Variants in GALNT11 observed in about 807,000 individuals in gnomAD.
The protein encoded by GALNT11 is polypeptide N-acetylgalactosaminyltransferase 11.
In GALNT11, 47 loss-of-function variants were observed where a neutral mutation model predicts 72.7. That is an observed-to-expected ratio of 0.65 (90% confidence interval 0.51 to 0.82). GALNT11 has a LOEUF of 0.82. Among genes scored for constraint, GALNT11 ranks in the 40% least tolerant of loss-of-function variants. The pLI, the probability that GALNT11 is intolerant of heterozygous loss-of-function variation, is 0.00. For synonymous variants in GALNT11, 270 were observed against 286.6 expected (o/e 0.94, Z 0.58); for missense variants, 677 against 778.4 (o/e 0.87, Z 1.55).
rs112236491 is a variant in GALNT11, at chr7:152,107,913, G to A, written c.713-125G>A. The A allele has an allele frequency of 1.1e-4, 122 of 1,158,398 alleles. No homozygotes were observed. In the African/African-American group the frequency reaches 1.5e-3, roughly 14 times the overall value. The allele number at this position is 1,158,398 out of a possible 1,614,324, so 71.8% of individuals were successfully genotyped here. Reference sequence around the variant, plus strand: ...TGAAGTGTAGTGGAGCAGTTAGGCCGTCTGGGGCTGGGAGGGTGGCAGTCG... The same window carrying A: ...TGAAGTGTAGTGGAGCAGTTAGGCCATCTGGGGCTGGGAGGGTGGCAGTCG... On this transcript the variant is annotated intron_variant, in intron 5 of 11. Transcript: ENST00000430044.
At chr7:152,060,106 A>G (rs1259306860) in intron 1 of GALNT11, among the ~76,000 whole-genome samples, 1 of 152,038 alleles carries the variant, frequency 6.6e-6, no homozygotes, top group Admixed American at 6.6e-5. Context: ...TTACACTTTT[A>G]TGTTGTGGAG....
rs2081970023 is a variant in GALNT11, at chr7:152,025,675, C to T, written c.-248C>T. ...GCGCCGGCGGACGCGCGGCGCTGGG[C>T]GGAGGCAGCGGCTCGGGGACTGGGC... On this transcript the variant is annotated 5_prime_UTR_variant, in exon 1 of 12. Transcript: ENST00000430044. 6.7e-6 allele frequency: 1 copy of T among 150,342 alleles called. No homozygotes were observed. The highest frequency in any genetic ancestry group is 1.5e-5 in the Non-Finnish European group (1 of 67,554). 9.3% of individuals were successfully genotyped at this position (150,342 alleles called of 1,614,324 possible). A position where few individuals can be genotyped will look rare whatever the true frequency, so the allele number is the denominator to read the frequency against.
intron 1 of GALNT11, among the ~76,000 whole-genome samples, chr7:152,065,072 C>T (rs1241572018): frequency 2.0e-5 from 3 of 152,180 alleles, no homozygotes; most frequent in Admixed American, 6.5e-5. Context: ...CCATTCTCCC[C>T]GTCACTTTCA....
chr7:152,111,068 G>A (rs111262503), intron 7 of GALNT11, among the ~76,000 whole-genome samples: 74 of 152,196 alleles, frequency 4.9e-4, no homozygotes, highest in Non-Finnish European at 4.9e-4. Flanking sequence ...ATATCTGTTC[G>A]AAATGTCAAG....
At chr7:152,052,490 C>T (rs2083451573) in intron 1 of GALNT11, among the ~76,000 whole-genome samples, 1 of 152,154 alleles carries the variant, frequency 6.6e-6, no homozygotes. Flanking sequence ...GAGGAACTGA[C>T]AAACTCTTCT....
Position 152,117,161 on chromosome 7 carries a change from A to G in GALNT11, c.1238A>G (p.Gln413Arg). 1 of 1,582,804 alleles carries G rather than the reference A, an allele frequency of 6.3e-7. No homozygotes were observed. The highest frequency in any genetic ancestry group is 8.6e-7 in the Non-Finnish European group (1 of 1,169,214). The change falls in exon 9 of 12, where the codon CAG becomes CGG. Residue 413 changes from glutamine (Q) to arginine (R), a missense_variant. Gln to Arg is a conservative substitution (Grantham distance 43). Coordinates refer to ENST00000430044, the MANE Select transcript of GALNT11 (RefSeq NM_022087.4). ...TTTTACTTTTTTTAAATTCAGGAGC[A>G]GTATTTTTCCTTAAGACCTGACCTG... ...AHVWLDEYKE[Q>R]YFSLRPDLKT...
At chr7:152,027,637 T>C (rs2151972885) in intron 1 of GALNT11, 1 of 153,056 alleles carries the variant, frequency 6.5e-6, no homozygotes, top group Middle Eastern at 3.4e-3. Flanking sequence ...ACGTGGCTGC[T>C]GCGTAAATGT....
intron 1 of GALNT11, among the ~76,000 whole-genome samples, chr7:152,033,133 G>A (rs927178014): frequency 1.3e-5 from 2 of 152,228 alleles, no homozygotes; most frequent in Non-Finnish European, 2.9e-5. Flanking sequence ...TGGATCATCT[G>A]GTTGGGGGCT....
intron 1 of GALNT11, among the ~76,000 whole-genome samples, chr7:152,066,024 G>A (rs980658044): frequency 1.3e-4 from 20 of 152,202 alleles, no homozygotes; most frequent in Non-Finnish European, 2.5e-4. Context: ...GTTTGGCTAC[G>A]CCCTGCCCCC....
At chr7:152,056,395 C>T (rs1040403352) in intron 1 of GALNT11, among the ~76,000 whole-genome samples, 1 of 152,142 alleles carries the variant, frequency 6.6e-6, no homozygotes, top group Non-Finnish European at 1.5e-5. Context: ...CGCGGGTTGC[C>T]ACGTTTTCCC....
At position 152,108,130 on chromosome 7, in the gene GALNT11, G is replaced by C. The variant is rs143761621; in HGVS notation, c.805G>C (p.Val269Leu). ...CGCCATCCGTGAGGACCGGCACACC[G>C]TGGTGTGCCCAGTGATTGACATCAT... Reference protein sequence around the residue: ...LAAIREDRHTVVCPVIDIISA... With the variant: ...LAAIREDRHTLVCPVIDIISA... Residue 269 changes from valine to leucine, a missense_variant, in exon 6 of 12, where the codon GTG (valine) becomes CTG (leucine). Val to Leu is a conservative substitution (Grantham distance 32). Transcript: ENST00000430044. The C allele has an allele frequency of 6.2e-7, 1 of 1,614,090 alleles. No homozygotes were observed. The highest frequency in any genetic ancestry group is 8.5e-7 in the Non-Finnish European group (1 of 1,180,000).
Position 152,103,261 on chromosome 7 carries a change from A to G in GALNT11, c.569A>G (p.Asp190Gly). 1.2e-6 allele frequency: 2 copies of G among 1,612,682 alleles called. No individual in the cohort carries two copies. Among genetic ancestry groups the G allele is most frequent in the South Asian group, 2.2e-5 (2 of 91,034 alleles). ...AHLLHEIILV[D>G]DDSDFDDLKG... ...CTGCTTCATGAGATCATCCTTGTGG[A>G]TGATGATAGTGACTTTGGTAAGGAA... The change falls in exon 4 of 12, where the codon GAT (aspartate) becomes GGT (glycine). Residue 190 changes from aspartate to glycine, a missense_variant. By Grantham distance (94) the Asp-to-Gly change is moderately conservative (BLOSUM62 -1). Transcript: ENST00000430044.
At chr7:152,048,754 A>C (rs1174733835) in intron 1 of GALNT11, among the ~76,000 whole-genome samples, 1 of 151,576 alleles carries the variant, frequency 6.6e-6, no homozygotes, top group Non-Finnish European at 1.5e-5. Flanking sequence ...AAGGGGCAAC[A>C]ACTTTTAAGT....
intron 10 of GALNT11, chr7:152,120,560 A>G: frequency 2.8e-6 from 1 of 361,774 alleles, no homozygotes; most frequent in Non-Finnish European, 5.1e-6. Context: ...TAATTGTTAA[A>G]CCCTAAAATT....
chr7:152,068,074 C>T (rs2084417484), intron 1 of GALNT11, among the ~76,000 whole-genome samples: 1 of 152,126 alleles, frequency 6.6e-6, no homozygotes, highest in Non-Finnish European at 1.5e-5. Context: ...AAGCATCTCC[C>T]ACCAGGCCCC....
At chr7:152,071,153 G>C (rs560198101) in intron 1 of GALNT11, among the ~76,000 whole-genome samples, 283 of 152,350 alleles carry the variant, frequency 1.9e-3, no homozygotes, top group Middle Eastern at 6.8e-3. Flanking sequence ...CAGGAGACAG[G>C]GTTTTAAGAT....
chr7:152,117,857 C>CA (rs1461822797), intron 9 of GALNT11: 1 of 160,060 alleles, frequency 6.2e-6, no homozygotes, highest in African/African-American at 2.4e-5. Flanking sequence ...TGATCAACCA[C>CA]ATTTCCTTAG....
intron 1 of GALNT11, among the ~76,000 whole-genome samples, chr7:152,071,146 G>C (rs763226289): frequency 1.3e-5 from 2 of 152,234 alleles, no homozygotes; most frequent in Non-Finnish European, 2.9e-5. Flanking sequence ...ATCTTACCAG[G>C]AGACAGGGTT....
chr7:152,099,342 T>TTTTTTTTA (rs1554429059), intron 2 of GALNT11, among the ~76,000 whole-genome samples: 1 of 143,578 alleles, frequency 7.0e-6, no homozygotes, highest in Non-Finnish European at 1.5e-5. Context: ...AAAAATGGAC[T>TTTTTTTTA]TTTATTTATT....
Sources: gnomAD v4.1 joint callset for allele counts (sites outside exome capture counted in the v4.1 genomes callset) on GRCh38, gnomAD v4.1.1 for gene constraint, MANE v1.5 for transcripts, NCBI Gene and HGNC (gene_info 2026-07-23, HGNC 2026-07-21) for gene names.